PCDHGA7: variants seen among roughly 807,000 people sequenced by gnomAD.
PCDHGA7 encodes the protein protocadherin gamma subfamily A, 7.
Under a neutral mutation model 58.3 loss-of-function variants are expected in PCDHGA7, and 44 were observed. The observed-to-expected ratio is 0.75, with a 90% CI of 0.59 to 0.97. The LOEUF is 0.97. Ranked by LOEUF, PCDHGA7 falls within the 50% of genes least tolerant of loss-of-function variation. PCDHGA7 has a pLI of 0.00. For missense variants in PCDHGA7, 1,266 were observed against 1,188.7 expected, an observed-to-expected ratio of 1.06 and a Z score of -0.96; for synonymous variants, 516 against 504.2, an observed-to-expected ratio of 1.02 and a Z score of -0.31.
intron 1 of PCDHGA7, among the ~76,000 whole-genome samples, chr5:141,479,962 A>G: frequency 6.6e-6 from 1 of 152,226 alleles, no homozygotes; most frequent in Non-Finnish European, 1.5e-5. Context: ...GCAGTTAGTC[A>G]AATGAGGTTC....
Position 141,476,556 on chromosome 5 carries a change from C to A in PCDHGA7, c.2425-18251C>A. 1 of 1,614,234 alleles carries A rather than the reference C, an allele frequency of 6.2e-7. No homozygotes were observed. Among genetic ancestry groups the A allele is most frequent in the Non-Finnish European group, 8.5e-7 (1 of 1,180,036 alleles). ...GAAATGAAATTGGAGATTAGCGAGG[C>A]CGTGGCTCCGGGGACGCGCTTTCCG... On this transcript the variant is annotated intron_variant, in intron 1 of 3. Coordinates refer to ENST00000518325, the MANE Select transcript of PCDHGA7 (RefSeq NM_018920.4). The surrounding 1 kb of genome is among the most constrained non-coding windows in gnomAD (Gnocchi z 7.6).
chr5:141,494,173 G>C (rs554811420), intron 1 of PCDHGA7, among the ~76,000 whole-genome samples: 2 of 152,304 alleles, frequency 1.3e-5, no homozygotes, highest in South Asian at 2.1e-4. Flanking sequence ...CTAGGGGTGA[G>C]AAGTGTCCCG....
chr5:141,426,718 C>G, intron 1 of PCDHGA7: 1 of 446,166 alleles, frequency 2.2e-6, no homozygotes, highest in Non-Finnish European at 4.6e-6. Flanking sequence ...AATGAACTAG[C>G]AATTCCAGGC....
chr5:141,422,061 A>G (rs1215523341), intron 1 of PCDHGA7: 3 of 1,612,074 alleles, frequency 1.9e-6, no homozygotes, highest in Non-Finnish European at 2.5e-6. Flanking sequence ...ACGGGGAAGT[A>G]ATGTATTCAT....
In PCDHGA7 at chr5:141,423,740, GA is replaced by G. The variant is rs778655137; in HGVS notation, c.2424+38421del. 7 of 698,952 alleles carry G rather than the reference GA, an allele frequency of 1.0e-5. No individual in the cohort carries two copies. The African/African-American group carries it at 1.9e-4, about 19-fold the overall frequency. The allele number at this position is 698,952 out of a possible 1,614,324, so 43.3% of individuals were successfully genotyped here. ...AGGAGATGTTTTTTGAGCCTGTTAT[GA>G]AAACTGTTTGGGGGGGGGGTGGGGC... On this transcript the variant is annotated intron_variant, in intron 1 of 3. Coordinates refer to ENST00000518325, the MANE Select transcript of PCDHGA7 (RefSeq NM_018920.4).
Position 141,431,325 on chromosome 5 carries a change from G to GT in PCDHGA7, c.2424+46003dup, listed in dbSNP as rs1340996903. On this transcript the variant is annotated intron_variant, in intron 1 of 3. Transcript: ENST00000518325. This position sits in a 1 kb window ranked among gnomAD's most constrained non-coding sequence, Gnocchi z 4.8. ...ATCGTGCAAAATGGAGCCGACGGTA[G>GT]TAAGTACCCCGAATTGGTGCTGAAA... 22 of 1,614,028 alleles carry GT rather than the reference G, an allele frequency of 1.4e-5. No homozygotes were observed. In the Admixed American group the frequency reaches 2.5e-4, roughly 18 times the overall value.
rs1183407162 is a variant in PCDHGA7 at position 141,422,793 on chromosome 5, C to G, written c.2424+37470C>G. 3 of 1,614,110 alleles carry G rather than the reference C, an allele frequency of 1.9e-6. No individual in the cohort carries two copies. The South Asian group carries it at 3.3e-5, about 18-fold the overall frequency. On this transcript the variant is annotated intron_variant, in intron 1 of 3. Transcript: ENST00000518325. Reference sequence around the variant, plus strand: ...TTCTCTATGCCCTACAATCCTTCGACTATGAGCAGTTTCGAGACTTAGAAC... The same window carrying G: ...TTCTCTATGCCCTACAATCCTTCGAGTATGAGCAGTTTCGAGACTTAGAAC...
chr5:141,509,864 A>G (rs2099878667), intron 3 of PCDHGA7, among the ~76,000 whole-genome samples: 1 of 152,262 alleles, frequency 6.6e-6, no homozygotes, highest in East Asian at 1.9e-4. Context: ...GATAAGGTCC[A>G]AGCTGCTGGT....
At chr5:141,385,539 T>C in intron 1 of PCDHGA7, 1 of 1,340,130 alleles carries the variant, frequency 7.5e-7, no homozygotes, top group East Asian at 2.8e-5. Flanking sequence ...TATGAATATG[T>C]GGACTATCAC....
chr5:141,444,093 G>A (rs531514787), intron 1 of PCDHGA7, among the ~76,000 whole-genome samples: 1 of 147,730 alleles, frequency 6.8e-6, no homozygotes, highest in East Asian at 2.0e-4. Flanking sequence ...GTCTGCTAAG[G>A]ATTGGAAACC....
chr5:141,487,275 G>T lies in PCDHGA7; in HGVS notation c.2425-7532G>T, dbSNP rs747253888. 2.5e-6 allele frequency: 4 copies of T among 1,614,158 alleles called. No homozygotes were observed. The highest frequency in any genetic ancestry group is 1.1e-5 in the South Asian group (1 of 91,074). On this transcript the variant is annotated intron_variant, in intron 1 of 3. Coordinates refer to ENST00000518325, the MANE Select transcript of PCDHGA7 (RefSeq NM_018920.4). The surrounding 1 kb of genome is among the most constrained non-coding windows in gnomAD (Gnocchi z 5.0). ...TTGGCTGTGTCCCTAGTGGCAATTT[G>T]CTTTGTCTCCTTTGGCTCATTCGTG...
At position 141,383,041 on chromosome 5, in the gene PCDHGA7, A is replaced by C; in HGVS notation, c.142A>C (p.Ile48Leu). 6.2e-7 allele frequency: 1 copy of C among 1,613,860 alleles called. No homozygotes were observed. Among genetic ancestry groups the C allele is most frequent in the Non-Finnish European group, 8.5e-7 (1 of 1,179,904 alleles). Residue 48 changes from isoleucine to leucine, a missense_variant, in exon 1 of 4, where the codon ATC becomes CTC. Ile to Leu is a conservative substitution (Grantham distance 5). Coordinates refer to ENST00000518325, the MANE Select transcript of PCDHGA7 (RefSeq NM_018920.4). ...GGACAAAGGGTCCTTTGTGGGAGACATCGCCAAGGACCTGGGGCTGGAGCC... is the reference window on the plus strand; with the variant it reads ...GGACAAAGGGTCCTTTGTGGGAGACCTCGCCAAGGACCTGGGGCTGGAGCC... ...ETDKGSFVGD[I>L]AKDLGLEPRE...
At position 141,505,451 on chromosome 5, in the gene PCDHGA7, C is replaced by T. The variant is rs1350424069; in HGVS notation, c.2542C>T (p.Leu848=). Residue 848 remains leucine (L), a synonymous_variant, in exon 3 of 4, where the codon CTG becomes TTG. Transcript: ENST00000518325. The part of the protein sequence containing the change: ...WPNNQFDTEM[L]QAMILASASE... ...CAACAACCAGTTTGACACAGAGATG[C>T]TGCAAGCCATGATCTTGGCGTCCGC... The T allele has an allele frequency of 1.2e-6, 2 of 1,614,222 alleles. No individual in the cohort carries two copies. The highest frequency in any genetic ancestry group is 1.7e-6 in the Non-Finnish European group (2 of 1,180,048).
At chr5:141,400,339 A>G in intron 1 of PCDHGA7, 1 of 1,613,986 alleles carries the variant, frequency 6.2e-7, no homozygotes. Flanking sequence ...GGTTCCCCCC[A>G]ACTACAGTCA....
At chr5:141,404,002 A>G in intron 1 of PCDHGA7, 2 of 1,613,928 alleles carry the variant, frequency 1.2e-6, no homozygotes, top group South Asian at 1.1e-5. Context: ...TGACCATTAC[A>G]TCTCTGTTTA....
At chr5:141,448,263 A>G (rs2098578874) in intron 1 of PCDHGA7, among the ~76,000 whole-genome samples, 1 of 152,088 alleles carries the variant, frequency 6.6e-6, no homozygotes, top group Non-Finnish European at 1.5e-5. Flanking sequence ...ATTTTACAGT[A>G]TATATACTGT....
At chr5:141,437,999 C>T (rs1230507077) in intron 1 of PCDHGA7, among the ~76,000 whole-genome samples, 1 of 152,062 alleles carries the variant, frequency 6.6e-6, no homozygotes, top group African/African-American at 2.4e-5. Flanking sequence ...CCTCAGCCTC[C>T]CAAATAGCTG....
At chr5:141,408,563 G>T (rs1266893654) in intron 1 of PCDHGA7, 1 of 1,614,040 alleles carries the variant, frequency 6.2e-7, no homozygotes, top group South Asian at 1.1e-5. Flanking sequence ...TCATGTCATT[G>T]TGGTGATTGA....
intron 1 of PCDHGA7, chr5:141,414,696 A>T: frequency 6.2e-7 from 1 of 1,613,982 alleles, no homozygotes; most frequent in Non-Finnish European, 8.5e-7. Flanking sequence ...CTCTGTCCTC[A>T]TACATATCCA....
Sources: gnomAD v4.1 joint callset for allele counts (sites outside exome capture counted in the v4.1 genomes callset) on GRCh38, gnomAD v4.1.1 for gene constraint, Gnocchi (gnomAD v3.1) non-coding constraint, MANE v1.5 for transcripts, NCBI Gene and HGNC (gene_info 2026-07-23, HGNC 2026-07-21) for gene names.